The following IGFN1 variants were observed in gnomAD, a reference collection of about 807,000 sequenced individuals.
IGFN1 encodes immunoglobulin-like and fibronectin type III domain-containing protein 1.
Under a neutral mutation model 289.5 loss-of-function variants are expected in IGFN1, and 253 were observed. The ratio of observed to expected loss-of-function variants is 0.87; its 90% CI spans 0.79 to 0.97. The LOEUF (loss-of-function observed/expected upper bound fraction) is 0.97. IGFN1 is among the 50% of genes least tolerant of loss of function. The pLI, the probability that IGFN1 is intolerant of heterozygous loss-of-function variation, is 0.00. For missense variants in IGFN1, 4,470 were observed against 4,686.1 expected, an observed-to-expected ratio of 0.95 and a Z score of 1.35; for synonymous variants, 1,706 against 1,788.5, an observed-to-expected ratio of 0.95 and a Z score of 1.16.
intron 19 of IGFN1, 92 bp from the exon 20 acceptor site, chr1:201,222,647 T>A: frequency 1.3e-6 from 1 of 788,944 alleles, no homozygotes; most frequent in Non-Finnish European, 2.1e-6. Context: ...ACTGGCCCAG[T>A]CTTCCCCTCC....
At position 201,206,290 on chromosome 1, in the gene IGFN1, G is replaced by A; in HGVS notation, c.1397G>A (p.Gly466Asp). The A allele has an allele frequency of 6.5e-7, 1 of 1,549,766 alleles. No homozygotes were observed. The highest frequency in any genetic ancestry group is 8.7e-7 in the Non-Finnish European group (1 of 1,146,526). The change falls in exon 12 of 24, where the codon GGC becomes GAC. Residue 466 changes from glycine to aspartate, a missense_variant. By Grantham distance (94) the Gly-to-Asp change is moderately conservative. Around this residue, in one of 8 missense-constraint regions of IGFN1, gnomAD observed 2,011 missense variants for 1,953.4 expected, o/e 1.03. Transcript: ENST00000335211. ...HIASPDRDGL[G>D]RHGYSLMGDK... is the part of the protein sequence containing the mutation. ...GCCAGCCCAGACAGGGATGGCCTTG[G>A]CAGACATGGCTACTCCTTGATGGGG...
In IGFN1 at chr1:201,215,636, C is replaced by G; in HGVS notation, c.9093C>G (p.Ser3031Arg). 2 of 1,613,986 alleles carry G rather than the reference C, an allele frequency of 1.2e-6. No individual in the cohort carries two copies. Among genetic ancestry groups the G allele is most frequent in the Non-Finnish European group, 1.7e-6 (2 of 1,179,948 alleles). Reference protein sequence around the residue: ...KPVIVKIPFQSHLPIQAAWRK... With the variant: ...KPVIVKIPFQRHLPIQAAWRK... ...TGATAGTGAAGATCCCCTTCCAGAG[C>G]CACCTCCCCATTCAGGCTGCCTGGA... is the stretch of plus-strand genomic sequence containing the variant. The change falls in exon 15 of 24, where the codon AGC becomes AGG. Residue 3031 changes from serine (S) to arginine (R), a missense_variant. Physicochemically the swap from Ser to Arg is moderately radical, Grantham distance 110 (BLOSUM62 -1). This residue lies in a region of IGFN1 where 2,218 missense variants were observed against 2,114.1 expected (regional missense o/e 1.05). Coordinates refer to ENST00000335211, the MANE Select transcript of IGFN1 (RefSeq NM_001164586.2).
In IGFN1 at chr1:201,199,632, T is replaced by C. The variant is rs1667061559; in HGVS notation, c.436T>C (p.Phe146Leu). 2 of 1,551,610 alleles carry C rather than the reference T, an allele frequency of 1.3e-6. No homozygotes were observed. Among genetic ancestry groups the C allele is most frequent in the Non-Finnish European group, 1.7e-6 (2 of 1,146,936 alleles). The change falls in exon 7 of 24, where the codon TTC (phenylalanine) becomes CTC (leucine). Residue 146 changes from phenylalanine to leucine, a missense_variant. By Grantham distance (22) the Phe-to-Leu change is conservative. Transcript: ENST00000335211. Reference sequence around the variant, plus strand: ...AGACCTCAGGAAGGAGCTGATGGACTTCCGGAAGTTGCTGAAAAAGAGGTG... The same window carrying C: ...AGACCTCAGGAAGGAGCTGATGGACCTCCGGAAGTTGCTGAAAAAGAGGTG... ...QEDLRKELMD[F>L]RKLLKKRAPP... is the part of the protein sequence containing the mutation.
At chr1:201,191,212 T>C (rs1037182358) in intron 1 of IGFN1, among the ~76,000 whole-genome samples, 1 of 152,188 alleles carries the variant, frequency 6.6e-6, no homozygotes, top group Non-Finnish European at 1.5e-5. Context: ...AAAATATCAC[T>C]AGCAGTCCAG....
Position 201,205,118 on chromosome 1 carries a change from C to A in IGFN1, c.953C>A (p.Thr318Asn). 6.4e-7 allele frequency: 1 copy of A among 1,550,434 alleles called. No individual in the cohort carries two copies. The highest frequency in any genetic ancestry group is 8.7e-7 in the Non-Finnish European group (1 of 1,146,770). ...AGAGTGGTGGTCCCACTGGCGGAGACCCACTGTGAGGAGCAGGGTGACGCA... is the reference window on the plus strand; with the variant it reads ...AGAGTGGTGGTCCCACTGGCGGAGAACCACTGTGAGGAGCAGGGTGACGCA... The part of the protein sequence containing the change: ...PPRVVVPLAE[T>N]HCEEQGDAVF... The change falls in exon 11 of 24, where the codon ACC becomes AAC. Residue 318 changes from threonine (T) to asparagine (N), a missense_variant. By Grantham distance (65) the Thr-to-Asn change is moderately conservative (BLOSUM62 0). Transcript: ENST00000335211.
rs1667178314 is a variant in IGFN1, at chr1:201,201,854, G to A, written c.747+22G>A. ...TAAGGTGAGGCTGGAGGGGCTATGG[G>A]TGGGGGGGATCTGGCAGGGATGCTT... On this transcript the variant is annotated intron_variant, in intron 9 of 23. Transcript: ENST00000335211. 6 of 988,104 alleles carry A rather than the reference G, an allele frequency of 6.1e-6. No individual in the cohort carries two copies. The East Asian group carries it at 1.3e-4, about 22-fold the overall frequency. The allele number at this position is 988,104 out of a possible 1,614,324, so 61.2% of individuals were successfully genotyped here.
chr1:201,228,590 C>T lies in IGFN1; in HGVS notation c.*191C>T, dbSNP rs1016839473. ...GGGGAAGAAAAACAAGGGAGGAGGGCATTCCACCTCCTGGCTCCAAGCTAA... is the reference window on the plus strand; with the variant it reads ...GGGGAAGAAAAACAAGGGAGGAGGGTATTCCACCTCCTGGCTCCAAGCTAA... On this transcript the variant is annotated 3_prime_UTR_variant, in exon 24 of 24. Coordinates refer to ENST00000335211, the MANE Select transcript of IGFN1 (RefSeq NM_001164586.2). The T allele has an allele frequency of 3.1e-6, 2 of 640,820 alleles. No homozygotes were observed. Among genetic ancestry groups the T allele is most frequent in the Non-Finnish European group, 2.8e-6 (1 of 354,824 alleles). 39.7% of individuals were successfully genotyped at this position (640,820 alleles called of 1,614,324 possible). A position where few individuals can be genotyped will look rare whatever the true frequency, so the allele number is the denominator to read the frequency against.
chr1:201,206,001 C>A, intron 11 of IGFN1, 82 bp from the exon 12 acceptor site: 1 of 1,044,250 alleles, frequency 9.6e-7, no homozygotes, highest in Non-Finnish European at 1.4e-6. Flanking sequence ...GTGCTTTGGC[C>A]GGATTTAACA....
At position 201,218,636 on chromosome 1, in the gene IGFN1, T is replaced by C. The variant is rs10920144; in HGVS notation, c.9876T>C (p.Ala3292=). The stretch of plus-strand genomic sequence containing the variant: ...GAGAGCCTGGACCTCCATCGGATGC[T>C]GTCTTTGCTCGGGACCCCATGAGTA... ...GPGEPGPPSD[A]VFARDPMRPP... The change falls in exon 18 of 24, where the codon GCT becomes GCC. Residue 3292 remains alanine, a synonymous_variant. Coordinates refer to ENST00000335211, the MANE Select transcript of IGFN1 (RefSeq NM_001164586.2). 1,430,184 of 1,608,254 alleles carry C rather than the reference T, an allele frequency of 0.89. 637,032 individuals carry two copies. Among genetic ancestry groups the C allele is most frequent in the East Asian group, 1 (44,830 of 44,854 alleles).
chr1:201,227,434 T>G (rs915921648), intron 23 of IGFN1, among the ~76,000 whole-genome samples: 3 of 150,890 alleles, frequency 2.0e-5, no homozygotes, highest in African/African-American at 7.3e-5. Flanking sequence ...ATTTTTAGTT[T>G]TTTTTTTTTT....
chr1:201,201,594 G>A (rs760743535), intron 8 of IGFN1, 125 bp from the exon 9 acceptor site: 2 of 579,340 alleles, frequency 3.5e-6, no homozygotes, highest in East Asian at 2.9e-5. Context: ...ACTTGTAAAA[G>A]GGGCCAATGC....
At position 201,209,489 on chromosome 1, in the gene IGFN1, G is replaced by A. The variant is rs1322816141; in HGVS notation, c.4596G>A (p.Lys1532=). 4.6e-6 allele frequency: 7 copies of A among 1,536,822 alleles called. No homozygotes were observed. The highest frequency in any genetic ancestry group is 6.1e-6 in the Non-Finnish European group (7 of 1,146,708). ...MGSVDKAGYR[K]DLGASEAIGS... ...CTGTGGATAAGGCAGGCTATAGGAAGGATTTGGGGGCTTCTGAGGCAATAG... is the reference window on the plus strand; with the variant it reads ...CTGTGGATAAGGCAGGCTATAGGAAAGATTTGGGGGCTTCTGAGGCAATAG... Residue 1532 remains lysine, a synonymous_variant, in exon 12 of 24, where the codon AAG becomes AAA. Transcript: ENST00000335211.
At chr1:201,205,515 A>G (rs1667374439) in intron 11 of IGFN1, among the ~76,000 whole-genome samples, 161 bp downstream of exon 11, 1 of 152,146 alleles carries the variant, frequency 6.6e-6, no homozygotes, top group Non-Finnish European at 1.5e-5. Flanking sequence ...TTCATGGCCA[A>G]CCCAACCCTT....
intron 1 of IGFN1, among the ~76,000 whole-genome samples, chr1:201,191,808 ATCCT>A (rs1375535682): frequency 6.6e-6 from 1 of 152,164 alleles, no homozygotes; most frequent in African/African-American, 2.4e-5. Context: ...TATCAGCGTC[ATCCT>A]TCTTCATGTG....
At position 201,221,471 on chromosome 1, in the gene IGFN1, A is replaced by T. The variant is rs142559475; in HGVS notation, c.9926A>T (p.Gln3309Leu). Residue 3309 changes from glutamine (Q) to leucine (L), a missense_variant, in exon 19 of 24, where the codon CAA (glutamine) becomes CTA (leucine). Around this residue, in one of 8 missense-constraint regions of IGFN1, gnomAD observed 2,218 missense variants for 2,114.1 expected, o/e 1.05. Transcript: ENST00000335211. Reference sequence around the variant, plus strand: ...CCCCCTGGGCTGGTGAGGAATCTCCAAGTCACAGACAGATCGAACACCAGC... The same window carrying T: ...CCCCCTGGGCTGGTGAGGAATCTCCTAGTCACAGACAGATCGAACACCAGC... ...MRPPGLVRNL[Q>L]VTDRSNTSIT... is the part of the protein sequence containing the mutation. 6.2e-7 allele frequency: 1 copy of T among 1,605,026 alleles called. No individual in the cohort carries two copies. The highest frequency in any genetic ancestry group is 1.3e-5 in the African/African-American group (1 of 74,758).
Position 201,208,709 on chromosome 1 carries a change from G to C in IGFN1, c.3816G>C (p.Lys1272Asn). ...CAGCAGATGGGCCAGGTTGTAGGAA[G>C]GGTATTGGGAGTTCTGGGGAAATGG... ...MGSADGPGCR[K>N]GIGSSGEMGS... Residue 1272 changes from lysine (K) to asparagine (N), a missense_variant, in exon 12 of 24, where the codon AAG (lysine) becomes AAC (asparagine). By Grantham distance (94) the Lys-to-Asn change is moderately conservative. Around this residue, in one of 8 missense-constraint regions of IGFN1, gnomAD observed 2,011 missense variants for 1,953.4 expected, o/e 1.03. Transcript: ENST00000335211. The C allele has an allele frequency of 6.5e-7, 1 of 1,537,062 alleles. No homozygotes were observed. The highest frequency in any genetic ancestry group is 8.7e-7 in the Non-Finnish European group (1 of 1,146,830).
intron 7 of IGFN1, 122 bp from the exon 8 acceptor site, chr1:201,200,115 C>G (rs1282076506): frequency 2.0e-5 from 15 of 751,256 alleles, no homozygotes; most frequent in Non-Finnish European, 3.2e-5. Flanking sequence ...AGATTCCAGG[C>G]TCTGCGTTTC....
chr1:201,217,877 C>T (rs1048077503), intron 17 of IGFN1, among the ~76,000 whole-genome samples: 3 of 152,060 alleles, frequency 2.0e-5, no homozygotes, highest in Admixed American at 2.0e-4. Context: ...CAGTTCACTT[C>T]CTCTCTAGAT....
At position 201,211,083 on chromosome 1, in the gene IGFN1, T is replaced by A. The variant is rs1404509186; in HGVS notation, c.6190T>A (p.Ser2064Thr). ...DGLGSSVEMG[S>T]VNEAGYRKDL... ...TTTAGGGAGTTCTGTAGAAATGGGG[T>A]CAGTGAATGAGGCAGGTTATAGGAA... The change falls in exon 12 of 24, where the codon TCA (serine) becomes ACA (threonine). Residue 2064 changes from serine to threonine, a missense_variant. Ser to Thr is a moderately conservative substitution (Grantham distance 58). Coordinates refer to ENST00000335211, the MANE Select transcript of IGFN1 (RefSeq NM_001164586.2). The A allele has an allele frequency of 6.7e-7, 1 of 1,500,834 alleles. No individual in the cohort carries two copies. The highest frequency in any genetic ancestry group is 2.6e-5 in the East Asian group (1 of 38,294). The allele number at this position is 1,500,834 out of a possible 1,614,324, so 93.0% of individuals were successfully genotyped here. A position where few individuals can be genotyped will look rare whatever the true frequency, so the allele number is the denominator to read the frequency against.
Sources: gnomAD v4.1 joint callset for allele counts (sites outside exome capture counted in the v4.1 genomes callset) on GRCh38, gnomAD v4.1.1 for gene constraint, gnomAD v4.1.1 regional missense constraint, MANE v1.5 for transcripts, NCBI Gene and HGNC (gene_info 2026-07-23, HGNC 2026-07-21) for gene names.